The following AFG2A variants were observed in gnomAD, a reference collection of about 807,000 sequenced individuals.
AFG2A encodes ATPase family gene 2 protein homolog A.
the AFG2A span, among the ~76,000 whole-genome samples, chr4:123,053,672 C>A: frequency 6.6e-6 from 1 of 151,796 alleles, no homozygotes; most frequent in Non-Finnish European, 1.5e-5. Context: ...CCAGCAGGTC[C>A]GTACATAGAT....
chr4:122,979,829 T>C, the AFG2A span, among the ~76,000 whole-genome samples: 1 of 152,150 alleles, frequency 6.6e-6, no homozygotes, highest in Non-Finnish European at 1.5e-5. Context: ...CTGGGGAATG[T>C]TGAGGCTGCA....
chr4:123,148,658 G>A, the AFG2A span, among the ~76,000 whole-genome samples: 10 of 152,074 alleles, frequency 6.6e-5, no homozygotes, highest in African/African-American at 1.4e-4. Context: ...GATTTCTAAC[G>A]TGGGATAGGA....
At chr4:123,220,032 G>A in the AFG2A span, among the ~76,000 whole-genome samples, 5 of 152,002 alleles carry the variant, frequency 3.3e-5, no homozygotes, top group African/African-American at 1.2e-4. Flanking sequence ...ACCATGCCCA[G>A]CTAATTTTTT....
chr4:123,002,245 T>C, the AFG2A span, among the ~76,000 whole-genome samples: 2 of 152,082 alleles, frequency 1.3e-5, no homozygotes, highest in Non-Finnish European at 2.9e-5. Flanking sequence ...TGATGGGTCT[T>C]GACTCTTTAT....
At chr4:123,051,220 G>C in the AFG2A span, among the ~76,000 whole-genome samples, 2 of 151,148 alleles carry the variant, frequency 1.3e-5, no homozygotes, top group African/African-American at 4.9e-5. Context: ...TTTTTCTCTG[G>C]TAGCATGTTT....
At chr4:123,028,813 T>C in the AFG2A span, among the ~76,000 whole-genome samples, 1 of 152,330 alleles carries the variant, frequency 6.6e-6, no homozygotes, top group East Asian at 1.9e-4. Context: ...CTAAATTCTT[T>C]AAAAATACTT....
At chr4:123,229,862 AT>A in the AFG2A span, among the ~76,000 whole-genome samples, 1 of 151,982 alleles carries the variant, frequency 6.6e-6, no homozygotes, top group African/African-American at 2.4e-5. Flanking sequence ...AATCATTTAT[AT>A]GCATACTTTA....
the AFG2A span, among the ~76,000 whole-genome samples, chr4:123,115,749 C>T: frequency 6.6e-6 from 1 of 152,146 alleles, no homozygotes. Context: ...CCGGTCCCGG[C>T]TGCCAAAGTG....
the AFG2A span, among the ~76,000 whole-genome samples, chr4:122,977,397 G>T: frequency 6.6e-6 from 1 of 152,232 alleles, no homozygotes; most frequent in South Asian, 2.1e-4. Flanking sequence ...ACAGCCCCAG[G>T]TGCAGGCACA....
chr4:123,230,486 T>G, the AFG2A span, among the ~76,000 whole-genome samples: 1 of 151,842 alleles, frequency 6.6e-6, no homozygotes, highest in Non-Finnish European at 1.5e-5. Flanking sequence ...TTCACCCCAT[T>G]TGCAGTTACT....
chr4:123,027,422 A>G, the AFG2A span, among the ~76,000 whole-genome samples: 1 of 151,770 alleles, frequency 6.6e-6, no homozygotes, highest in Admixed American at 6.6e-5. Flanking sequence ...CTGTTCTTGC[A>G]TTTCCAAATC....
chr4:123,265,499 C>T, the AFG2A span, among the ~76,000 whole-genome samples: 1 of 152,068 alleles, frequency 6.6e-6, no homozygotes, highest in South Asian at 2.1e-4. Flanking sequence ...TTCAGCTTAC[C>T]TGAAGGCTAT....
At chr4:123,160,741 C>T in the AFG2A span, among the ~76,000 whole-genome samples, 1 of 152,110 alleles carries the variant, frequency 6.6e-6, no homozygotes, top group African/African-American at 2.4e-5. Context: ...GTAGTATCCC[C>T]TTATCTGCAG....
chr4:123,034,897 G>T, the AFG2A span, among the ~76,000 whole-genome samples: 1 of 152,210 alleles, frequency 6.6e-6, no homozygotes, highest in Non-Finnish European at 1.5e-5. Flanking sequence ...GTTCTGTACT[G>T]CAGTGAACAG....
At chr4:123,162,845 T>C in the AFG2A span, among the ~76,000 whole-genome samples, 1 of 152,298 alleles carries the variant, frequency 6.6e-6, no homozygotes, top group East Asian at 1.9e-4. Flanking sequence ...GGTTTAATCA[T>C]CTATAAAACA....
At chr4:123,139,197 G>A in the AFG2A span, among the ~76,000 whole-genome samples, 1 of 152,038 alleles carries the variant, frequency 6.6e-6, no homozygotes, top group East Asian at 1.9e-4. Context: ...TACTTTAAAA[G>A]CCTTTGAATT....
At chr4:123,184,471 T>C in the AFG2A span, among the ~76,000 whole-genome samples, 3 of 152,072 alleles carry the variant, frequency 2.0e-5, 1 homozygote, top group East Asian at 5.8e-4. Flanking sequence ...TGTTCTATGA[T>C]ATTTCTGCCA....
chr4:123,281,963 A>G, the AFG2A span, among the ~76,000 whole-genome samples: 2 of 152,176 alleles, frequency 1.3e-5, no homozygotes, highest in African/African-American at 4.8e-5. Context: ...GGCAGAGCAC[A>G]GAGGATTTTT....
the AFG2A span, among the ~76,000 whole-genome samples, chr4:123,170,786 T>C: frequency 6.6e-6 from 1 of 151,978 alleles, no homozygotes; most frequent in Non-Finnish European, 1.5e-5. Flanking sequence ...TTATGATTTT[T>C]CTTCTTTTTT....
Sources: allele counts gnomAD v4.1 joint callset (sites outside exome capture counted in the v4.1 genomes callset), GRCh38; gene constraint gnomAD v4.1.1; transcripts MANE v1.5; gene names NCBI Gene and HGNC (gene_info 2026-07-23, HGNC 2026-07-21).